ANO2: variants seen among roughly 807,000 people sequenced by gnomAD.
ANO2 encodes anoctamin-2.
A neutral mutation model predicts 124.2 loss-of-function variants in ANO2; 101 were observed. The observed-to-expected ratio is 0.81, with a 90% CI of 0.69 to 0.96. The LOEUF (loss-of-function observed/expected upper bound fraction) is 0.96. Among genes scored for constraint, ANO2 ranks in the 40% least tolerant of loss-of-function variants. The pLI, the probability that ANO2 is intolerant of heterozygous loss-of-function variation, is 0.00. For missense variants in ANO2, 1,293 were observed against 1,274.5 expected (o/e 1.01, Z -0.22); for synonymous variants, 486 against 482.5 (o/e 1.01, Z -0.09).
At chr12:5,574,374 G>A (rs887318818) in intron 23 of ANO2, among the ~76,000 whole-genome samples, 7 of 152,166 alleles carry the variant, frequency 4.6e-5, no homozygotes, top group African/African-American at 1.7e-4. Flanking sequence ...CAGAAGTCCA[G>A]CTTAGTGTGT....
intron 14 of ANO2, among the ~76,000 whole-genome samples, chr12:5,680,659 TCAAA>T (rs1484345230): frequency 1.3e-5 from 2 of 152,132 alleles, no homozygotes; most frequent in African/African-American, 4.8e-5. Flanking sequence ...CTAGAAGTAT[TCAAA>T]CAGACACTAA....
At chr12:5,730,048 T>C (rs1258696808) in intron 14 of ANO2, among the ~76,000 whole-genome samples, 1 of 152,172 alleles carries the variant, frequency 6.6e-6, no homozygotes, top group Non-Finnish European at 1.5e-5. Context: ...GTTTTAAATA[T>C]AAATTGTGTA....
chr12:5,614,570 C>G, intron 17 of ANO2, among the ~76,000 whole-genome samples: 1 of 152,186 alleles, frequency 6.6e-6, no homozygotes, highest in East Asian at 1.9e-4. Context: ...CTAAACCTGG[C>G]TCTATATGTC....
intron 15 of ANO2, among the ~76,000 whole-genome samples, chr12:5,639,685 G>A (rs1277335985): frequency 1.3e-5 from 2 of 152,188 alleles, no homozygotes; most frequent in Admixed American, 1.3e-4. Flanking sequence ...AGGTGGAGTG[G>A]GAGATGGGCA....
intron 14 of ANO2, among the ~76,000 whole-genome samples, chr12:5,708,688 A>G (rs1478582798): frequency 1.3e-5 from 2 of 152,224 alleles, no homozygotes; most frequent in Middle Eastern, 3.2e-3. Context: ...CACCTACCTC[A>G]TAAGCCCCAT....
chr12:5,568,712 C>CGTGAT (rs1941928908), intron 23 of ANO2, among the ~76,000 whole-genome samples: 2 of 152,184 alleles, frequency 1.3e-5, no homozygotes, highest in South Asian at 4.1e-4. Flanking sequence ...TTTCCACCAC[C>CGTGAT]GTGATGCTGC....
chr12:5,817,332 A>G (rs1369447089), intron 7 of ANO2, among the ~76,000 whole-genome samples: 3 of 152,240 alleles, frequency 2.0e-5, no homozygotes, highest in Non-Finnish European at 4.4e-5. Context: ...AACTGACCAG[A>G]AACTGCTGTG....
At chr12:5,597,042 A>G in intron 20 of ANO2, among the ~76,000 whole-genome samples, 1 of 152,210 alleles carries the variant, frequency 6.6e-6, no homozygotes, top group East Asian at 1.9e-4. Flanking sequence ...ATTTGAGCCC[A>G]GGAAGTATGG....
At chr12:5,923,200 G>A (rs867886041) in intron 1 of ANO2, among the ~76,000 whole-genome samples, 1,164 of 72,574 alleles carry the variant, frequency 0.016, 130 homozygotes, top group African/African-American at 0.065. Flanking sequence ...ACACACGCAC[G>A]CACACACACC....
chr12:5,648,841 C>T (rs955210068), intron 14 of ANO2, among the ~76,000 whole-genome samples: 1 of 152,198 alleles, frequency 6.6e-6, no homozygotes, highest in Non-Finnish European at 1.5e-5. Context: ...TGGGGCTCAG[C>T]GGTGAGCGCT....
rs775230276 is a variant in ANO2 at position 5,832,496 on chromosome 12, CTTG to C, written c.738_740del (p.Asn246del). On this transcript the variant is annotated inframe_deletion, in exon 5 of 25. Coordinates refer to ENST00000682330, the MANE Select transcript of ANO2 (RefSeq NM_001364791.2). ...AGAATGGGTAGGAGAGGTTTTTCAT[CTTG>C]TTGTTGCTGTGTTCTGGAACTCGGG... The C allele has an allele frequency of 2.5e-5, 40 of 1,613,870 alleles. No individual in the cohort carries two copies. The highest frequency in any genetic ancestry group is 8.0e-5 in the African/African-American group (6 of 74,920).
intron 3 of ANO2, among the ~76,000 whole-genome samples, chr12:5,919,058 C>T (rs1374338227): frequency 6.6e-6 from 1 of 152,116 alleles, no homozygotes; most frequent in Non-Finnish European, 1.5e-5. Context: ...TCTCTGCCTT[C>T]ATGGAGCTAG....
intron 9 of ANO2, 100 bp downstream of exon 9, chr12:5,805,952 A>G: frequency 8.5e-7 from 1 of 1,171,532 alleles, no homozygotes; most frequent in South Asian, 1.5e-5. Context: ...GAAAGTAGAT[A>G]AGCAGGTAAA....
rs1455715504 is a variant in ANO2, at chr12:5,911,398, A to G, written c.534+9642T>C. Among the ~76,000 whole-genome samples, 6 of 152,198 alleles carry G rather than the reference A, an allele frequency of 3.9e-5. No individual in the cohort carries two copies. In the East Asian group the frequency reaches 1.2e-3, roughly 29 times the overall value. On this transcript the variant is annotated intron_variant, in intron 3 of 24. Transcript: ENST00000682330. The stretch of plus-strand genomic sequence containing the variant: ...AGACCCTGAACTTATCAAGTGACAA[A>G]TGCAGAAGGGCTTTCCTTCTCAATG...
In ANO2 at chr12:5,854,041, A is replaced by G. The variant is rs1955011452; in HGVS notation, c.633+2T>C. 1.2e-6 allele frequency: 2 copies of G among 1,611,928 alleles called. No homozygotes were observed. The highest frequency in any genetic ancestry group is 1.7e-6 in the Non-Finnish European group (2 of 1,178,606). On this transcript the variant is annotated splice_donor_variant, in intron 4 of 24. Transcript: ENST00000682330. LOFTEE classifies it high-confidence loss of function. Reference sequence around the variant, plus strand: ...CAGAACCCAGGAGAAACATGCTCATACTTTCTTGGTAGGAACTTTGATCTT... The same window carrying G: ...CAGAACCCAGGAGAAACATGCTCATGCTTTCTTGGTAGGAACTTTGATCTT...
intron 23 of ANO2, among the ~76,000 whole-genome samples, chr12:5,573,232 C>T (rs917508333): frequency 4.6e-5 from 7 of 152,180 alleles, no homozygotes; most frequent in African/African-American, 1.4e-4. Flanking sequence ...CATTAAAATT[C>T]CTATTGATTT....
chr12:5,611,151 A>G (rs1178217386), intron 19 of ANO2, among the ~76,000 whole-genome samples: 2 of 151,076 alleles, frequency 1.3e-5, no homozygotes, highest in African/African-American at 4.9e-5. Context: ...TGTATTTTTT[A>G]AGAGAGATGG....
chr12:5,699,186 C>G (rs1027922332), intron 14 of ANO2, among the ~76,000 whole-genome samples: 5 of 152,152 alleles, frequency 3.3e-5, no homozygotes, highest in African/African-American at 7.2e-5. Context: ...TAAGGACAGC[C>G]AGAGAGAAAG....
intron 14 of ANO2, among the ~76,000 whole-genome samples, chr12:5,705,447 C>T (rs1000421542): frequency 1.3e-5 from 2 of 152,210 alleles, no homozygotes; most frequent in African/African-American, 2.4e-5. Flanking sequence ...CACTTCCCCT[C>T]GTCACCCACC....
Sources: allele counts gnomAD v4.1 joint callset (sites outside exome capture counted in the v4.1 genomes callset), GRCh38; gene constraint gnomAD v4.1.1; transcripts MANE v1.5; gene names NCBI Gene and HGNC (gene_info 2026-07-23, HGNC 2026-07-21).